The following SERPINB8 variants were observed in gnomAD, a reference collection of about 807,000 sequenced individuals.
The protein encoded by SERPINB8 is serpin family B member 8.
A neutral mutation model predicts 35.3 loss-of-function variants in SERPINB8; 25 were observed. The ratio of observed to expected loss-of-function variants is 0.71; its 90% CI spans 0.52 to 0.99. SERPINB8 has a LOEUF of 0.99. Among genes scored for constraint, SERPINB8 ranks in the 50% least tolerant of loss-of-function variants. SERPINB8 has a pLI of 0.00. For synonymous variants in SERPINB8, 186 were observed against 160.8 expected, an observed-to-expected ratio of 1.16 and a Z score of -1.19; for missense variants, 484 against 446.5, an observed-to-expected ratio of 1.08 and a Z score of -0.76.
chr18:63,990,086 T>C (rs1248168077), downstream of SERPINB8, among the ~76,000 whole-genome samples: 1 of 148,988 alleles, frequency 6.7e-6, no homozygotes, highest in Non-Finnish European at 1.5e-5. Flanking sequence ...TTTTTTTTTT[T>C]TTCTTTTTGA....
exon 2 of SERPINB8, chr18:64,004,886 T>C (rs1417693832): frequency 5.0e-6 from 2 of 398,520 alleles, no homozygotes; most frequent in Non-Finnish European, 8.8e-6. Context: ...TGAGTGTAAG[T>C]ACAGAAACAT....
chr18:63,984,493 G>A (rs1000230539), intron 5 of SERPINB8, among the ~76,000 whole-genome samples: 1 of 152,178 alleles, frequency 6.6e-6, no homozygotes, highest in Non-Finnish European at 1.5e-5. Flanking sequence ...ATATTAAAAT[G>A]GCTGGTATCA....
chr18:63,997,563 C>T (rs983463458), intron 1 of SERPINB8, among the ~76,000 whole-genome samples: 1 of 152,174 alleles, frequency 6.6e-6, no homozygotes, highest in Non-Finnish European at 1.5e-5. Context: ...GAATGAGGTG[C>T]AGCTGTCATA....
At chr18:63,995,798 A>G (rs2050846252) in intron 1 of SERPINB8, among the ~76,000 whole-genome samples, 2 of 152,248 alleles carry the variant, frequency 1.3e-5, no homozygotes, top group Admixed American at 1.3e-4. Context: ...CAGTGAGACA[A>G]TGAGTATTGC....
chr18:63,999,687 C>G (rs1461403119), intron 1 of SERPINB8, among the ~76,000 whole-genome samples: 6 of 152,172 alleles, frequency 3.9e-5, no homozygotes, highest in Non-Finnish European at 5.9e-5. Context: ...AAACACCAGG[C>G]CTTTACCTTC....
intron 1 of SERPINB8, 71 bp downstream of exon 1, chr18:63,970,241 T>A: frequency 4.5e-6 from 1 of 223,260 alleles, no homozygotes; most frequent in South Asian, 4.8e-5. Context: ...GGCCACCTCT[T>A]CCCTGGAGTG....
At chr18:63,984,387 T>C (rs143301461) in intron 5 of SERPINB8, among the ~76,000 whole-genome samples, 2 of 152,352 alleles carry the variant, frequency 1.3e-5, no homozygotes, top group East Asian at 1.9e-4. Context: ...GTGGCAACTA[T>C]GCCTATTTAT....
At chr18:63,992,314 T>C (rs1335195020), downstream of SERPINB8, among the ~76,000 whole-genome samples, 1 of 152,268 alleles carries the variant, frequency 6.6e-6, no homozygotes, top group Non-Finnish European at 1.5e-5. Flanking sequence ...AATTACATAT[T>C]TCTTCTTGAG....
chr18:63,975,112 T>TACACACACACAC (rs60613919), intron 1 of SERPINB8, among the ~76,000 whole-genome samples: 1 of 147,372 alleles, frequency 6.8e-6, no homozygotes, highest in Non-Finnish European at 1.5e-5. Flanking sequence ...TAAACACACC[T>TACACACACACAC]ACACACACAC....
chr18:63,985,948 C>T (rs184818688), intron 6 of SERPINB8, among the ~76,000 whole-genome samples: 31 of 152,188 alleles, frequency 2.0e-4, no homozygotes, highest in Non-Finnish European at 2.4e-4. Context: ...CCACCATGGC[C>T]GACTTTAGTC....
chr18:63,977,321 C>A (rs2050596929), intron 1 of SERPINB8, among the ~76,000 whole-genome samples: 1 of 151,906 alleles, frequency 6.6e-6, no homozygotes, highest in Non-Finnish European at 1.5e-5. Context: ...GTGCCTGGCA[C>A]CAAGATCTTT....
downstream of SERPINB8, among the ~76,000 whole-genome samples, chr18:64,008,265 C>A (rs1446947491): frequency 6.6e-6 from 1 of 152,150 alleles, no homozygotes; most frequent in East Asian, 1.9e-4. Context: ...TTTTTTGACA[C>A]AGAGTCTCGC....
intron 1 of SERPINB8, 40 bp from the exon 2 acceptor site, chr18:63,978,259 A>G (rs764374875): frequency 3.1e-6 from 5 of 1,611,934 alleles, no homozygotes; most frequent in African/African-American, 1.3e-5. Flanking sequence ...TACCGGAGTC[A>G]TTGGCTTATG....
chr18:63,986,090 C>G (rs1399618272), intron 6 of SERPINB8, among the ~76,000 whole-genome samples: 1 of 152,084 alleles, frequency 6.6e-6, no homozygotes, highest in Non-Finnish European at 1.5e-5. Flanking sequence ...GGGATGACAT[C>G]TGTTGTGGCC....
intron 4 of SERPINB8, 86 bp downstream of exon 4, chr18:63,981,924 ACT>A: frequency 1.1e-6 from 1 of 893,454 alleles, no homozygotes; most frequent in Non-Finnish European, 1.8e-6. Context: ...GGGTGTTGCC[ACT>A]GTGACCTGCA....
At chr18:64,018,197 G>A (rs2050959286) in intron 7 of SERPINB8, among the ~76,000 whole-genome samples, 1 of 152,036 alleles carries the variant, frequency 6.6e-6, no homozygotes, top group African/African-American at 2.4e-5. Context: ...AACATTCTTG[G>A]TTTTTAATTT....
chr18:63,986,131 T>A lies in SERPINB8; in HGVS notation c.721-743T>A. 7 of 814,642 alleles carry A rather than the reference T, an allele frequency of 8.6e-6. No individual in the cohort carries two copies. In the South Asian group the frequency reaches 1.3e-4, roughly 15 times the overall value. The allele number at this position is 814,642 out of a possible 1,614,324, so 50.5% of individuals were successfully genotyped here. A position where few individuals can be genotyped will look rare whatever the true frequency, so the allele number is the denominator to read the frequency against. On this transcript the variant is annotated intron_variant, in intron 6 of 6. Transcript: ENST00000397985. ...TGAGAAAATTAGGAGAGTCTAGAAA[T>A]AGAGTCAAAATCAAAACAATGCTCG... is the stretch of plus-strand genomic sequence containing the variant.
chr18:63,992,711 C>T (rs978289709), downstream of SERPINB8, among the ~76,000 whole-genome samples: 34 of 152,190 alleles, frequency 2.2e-4, no homozygotes, highest in Admixed American at 6.5e-4. Flanking sequence ...GTAGGATGAA[C>T]GCGGGAATAA....
At chr18:63,975,724 T>C (rs889446155) in intron 1 of SERPINB8, among the ~76,000 whole-genome samples, 1 of 152,248 alleles carries the variant, frequency 6.6e-6, no homozygotes, top group African/African-American at 2.4e-5. Context: ...ATAAGCTCAC[T>C]TTTTTGTTTA....
Sources: allele counts gnomAD v4.1 joint callset (sites outside exome capture counted in the v4.1 genomes callset), GRCh38; gene constraint gnomAD v4.1.1; transcripts MANE v1.5; gene names NCBI Gene and HGNC (gene_info 2026-07-23, HGNC 2026-07-21).